RBFOX1: variants seen among roughly 807,000 people sequenced by gnomAD.
The protein encoded by RBFOX1 is RNA binding fox-1 homolog 1.
Under a neutral mutation model 57.7 loss-of-function variants are expected in RBFOX1, and 8 were observed. The observed-to-expected ratio is 0.14, with a 90% CI of 0.08 to 0.25. The LOEUF (loss-of-function observed/expected upper bound fraction) is 0.25, where lower values mean the gene tolerates loss of function less well. Among genes scored for constraint, RBFOX1 ranks in the 10% least tolerant of loss-of-function variants. RBFOX1 has a pLI of 1.00. For missense variants in RBFOX1, 611 were observed against 548.5 expected (o/e 1.11, Z -1.14); for synonymous variants, 326 against 222.4 (o/e 1.47, Z -4.15).
At chr16:6,493,887 AATC>A (rs1278205626) in intron 2 of RBFOX1, among the ~76,000 whole-genome samples, 2 of 152,176 alleles carry the variant, frequency 1.3e-5, no homozygotes, top group Admixed American at 6.5e-5. Flanking sequence ...AAGTACAAGA[AATC>A]ATCTTTTTTT....
At chr16:5,275,522 G>A (rs9936003) in intron 1 of RBFOX1, among the ~76,000 whole-genome samples, 48,458 of 152,070 alleles carry the variant, frequency 0.32, 7,704 homozygotes, top group Non-Finnish European at 0.33. Context: ...AAACACTGCT[G>A]AAAGAAATCA....
chr16:6,277,326 T>C (rs2075905685), intron 1 of RBFOX1, among the ~76,000 whole-genome samples: 1 of 151,016 alleles, frequency 6.6e-6, no homozygotes. Flanking sequence ...CCAGGTGTGA[T>C]GGTGTGGTTC....
chr16:7,685,441 A>C (rs2075860980), intron 14 of RBFOX1, among the ~76,000 whole-genome samples: 1 of 152,106 alleles, frequency 6.6e-6, no homozygotes, highest in South Asian at 2.1e-4. Flanking sequence ...CGTGTCATTA[A>C]TTGCATAGAT....
At chr16:6,356,763 T>C (rs150568711) in intron 2 of RBFOX1, among the ~76,000 whole-genome samples, 1 of 152,218 alleles carries the variant, frequency 6.6e-6, no homozygotes, top group Non-Finnish European at 1.5e-5. Context: ...GTGCAGACTT[T>C]AGTTAATAAT....
chr16:6,735,525 G>C (rs1424013969), intron 3 of RBFOX1, among the ~76,000 whole-genome samples: 1 of 152,194 alleles, frequency 6.6e-6, no homozygotes, highest in Admixed American at 6.5e-5. Flanking sequence ...TTGAGTGGCA[G>C]CTACTGTTGT....
At chr16:5,913,839 A>G (rs897528906) in intron 4 of RBFOX1, among the ~76,000 whole-genome samples, 1 of 152,268 alleles carries the variant, frequency 6.6e-6, no homozygotes, top group African/African-American at 2.4e-5. Flanking sequence ...CTTCGTACCT[A>G]TCATGTACCA....
chr16:6,730,951 G>T (rs1438617499), intron 3 of RBFOX1, among the ~76,000 whole-genome samples: 2 of 152,140 alleles, frequency 1.3e-5, no homozygotes, highest in Non-Finnish European at 2.9e-5. Flanking sequence ...GCTCCACAAT[G>T]ATCAAGAAAC....
At chr16:6,670,768 T>A (rs2098759116) in intron 3 of RBFOX1, among the ~76,000 whole-genome samples, 1 of 152,080 alleles carries the variant, frequency 6.6e-6, no homozygotes, top group Non-Finnish European at 1.5e-5. Context: ...GAGGCCGAGC[T>A]GGGTGGATCA....
intron 2 of RBFOX1, among the ~76,000 whole-genome samples, chr16:6,653,970 C>CGGATGGAT (rs1158998142): frequency 4.0e-5 from 3 of 75,304 alleles, no homozygotes; most frequent in African/African-American, 7.6e-5. Context: ...GATGGTTGGA[C>CGGATGGAT]GGATGGATGG....
rs374317058 is a variant in RBFOX1 at position 6,330,528 on chromosome 16, C to T, written c.-64+13471C>T. On this transcript the variant is annotated intron_variant, in intron 2 of 15. Coordinates refer to ENST00000550418, the MANE Select transcript of RBFOX1 (RefSeq NM_018723.4). ...CTGTGATGCTCTTCCTCATCTCTTC[C>T]TTACTGGAATTGCTGTCTCACTATA... Among the ~76,000 whole-genome samples the T allele has an allele frequency of 1.4e-4, 21 of 152,268 alleles. No individual in the cohort carries two copies. The East Asian group carries it at 2.3e-3, about 17-fold the overall frequency.
chr16:6,269,991 T>A (rs2075008265), intron 1 of RBFOX1, among the ~76,000 whole-genome samples: 2 of 152,126 alleles, frequency 1.3e-5, no homozygotes, highest in South Asian at 4.1e-4. Flanking sequence ...CCACACTTCA[T>A]TCAAACTGGT....
rs1192216369 is a variant in RBFOX1, at chr16:6,282,524, C to G, written c.-126-34471C>G. 3.9e-5 allele frequency among the ~76,000 whole-genome samples: 6 copies of G among 152,128 alleles called. No individual in the cohort carries two copies. In the East Asian group the frequency reaches 1.2e-3, roughly 30 times the overall value. ...CATGCATTAGGTATTTGTCCTAATG[C>G]TCTCCCGCCCATTGCCCACCACCCC... On this transcript the variant is annotated intron_variant, in intron 1 of 15. Transcript: ENST00000550418.
rs1462622627 is a variant in RBFOX1 at position 6,287,125 on chromosome 16, CAG to C, written c.-126-29867_-126-29866del. Among the ~76,000 whole-genome samples the C allele has an allele frequency of 4.6e-5, 7 of 152,098 alleles. 1 individual carries two copies. The South Asian group carries it at 1.5e-3, about 32-fold the overall frequency. ...AAGGCACACCTCACCCAAGGGTATT[CAG>C]AGTCATTTGATCATTACCAACGACA... is the stretch of plus-strand genomic sequence containing the variant. On this transcript the variant is annotated intron_variant, in intron 1 of 15. Transcript: ENST00000550418.
At chr16:6,632,266 C>T (rs958758397) in intron 2 of RBFOX1, among the ~76,000 whole-genome samples, 2 of 151,570 alleles carry the variant, frequency 1.3e-5, no homozygotes, top group Admixed American at 6.6e-5. Context: ...AAACTGAAAC[C>T]ATCGCAAACA....
In RBFOX1 at chr16:5,353,899, T is replaced by C. The variant is rs75752990; in HGVS notation, c.220-113317T>C. 6.1e-3 allele frequency among the ~76,000 whole-genome samples: 906 copies of C among 149,584 alleles called. 3 individuals are homozygous for C. Among genetic ancestry groups the C allele is most frequent in the Non-Finnish European group, 9.6e-3 (653 of 67,962 alleles). On this transcript the variant is annotated intron_variant, in intron 1 of 2. Coordinates refer to the RBFOX1 transcript ENST00000585867. ...TGCTCTCAGAGGGTCTTGCTGTATC[T>C]GGTGGGAGAAGCTTTGGAAACACAT...
chr16:6,201,190 C>A (rs1307732599), intron 1 of RBFOX1, among the ~76,000 whole-genome samples: 1 of 152,100 alleles, frequency 6.6e-6, no homozygotes, highest in African/African-American at 2.4e-5. Context: ...ACCACAGTGG[C>A]TTTCTTCATT....
intron 4 of RBFOX1, among the ~76,000 whole-genome samples, chr16:7,209,548 C>T (rs2090698109): frequency 6.6e-6 from 1 of 152,200 alleles, no homozygotes; most frequent in Non-Finnish European, 1.5e-5. Flanking sequence ...GCTCTCAGTG[C>T]AAACATTACC....
intron 3 of RBFOX1, among the ~76,000 whole-genome samples, chr16:5,644,225 T>C (rs2048974482): frequency 6.6e-6 from 1 of 152,192 alleles, no homozygotes; most frequent in South Asian, 2.1e-4. Context: ...TTAAAAAAAG[T>C]AAATTGGGGC....
chr16:7,023,604 C>T (rs1040039137), intron 3 of RBFOX1, among the ~76,000 whole-genome samples: 1 of 116,340 alleles, frequency 8.6e-6, no homozygotes, highest in African/African-American at 3.3e-5. Flanking sequence ...ATTAGCTTGC[C>T]ATAGTGGTAC....
Sources: gnomAD v4.1 joint callset for allele counts (sites outside exome capture counted in the v4.1 genomes callset) on GRCh38, gnomAD v4.1.1 for gene constraint, MANE v1.5 for transcripts, NCBI Gene and HGNC (gene_info 2026-07-23, HGNC 2026-07-21) for gene names.